GRIA3: variants seen among roughly 807,000 people sequenced by gnomAD.
GRIA3 encodes the protein glutamate receptor 3.
A neutral mutation model predicts 63.0 loss-of-function variants in GRIA3; 3 were observed. The ratio of observed to expected loss-of-function variants is 0.05; its 90% CI spans 0.02 to 0.12. GRIA3 has a LOEUF of 0.12. GRIA3 is among the 10% of genes least tolerant of loss of function. The pLI is 1.00. For missense variants in GRIA3, 347 were observed against 700.9 expected, an observed-to-expected ratio of 0.50 and a Z score of 5.70; for synonymous variants, 274 against 257.9, an observed-to-expected ratio of 1.06 and a Z score of -0.60.
intron 5 of GRIA3, among the ~76,000 whole-genome samples, chrX:123,383,481 A>G: frequency 9.0e-6 from 1 of 110,893 alleles, no homozygotes; most frequent in East Asian, 2.8e-4. Context: ...TCTACTCTCT[A>G]CTTCCGTGAG....
In GRIA3 at chrX:123,191,080, G is replaced by A. The variant is rs376718060; in HGVS notation, c.268+5090G>A. On this transcript the variant is annotated intron_variant, in intron 2 of 15. Transcript: ENST00000620443. ...TAGACGATAGAATTCCATAACTTTGGGGGAGACTAATAAACATGCTTATCC... is the reference window on the plus strand; with the variant it reads ...TAGACGATAGAATTCCATAACTTTGAGGGAGACTAATAAACATGCTTATCC... Among the ~76,000 whole-genome samples the A allele has an allele frequency of 5.4e-5, 6 of 112,120 alleles. No homozygotes were observed. The East Asian group carries it at 1.4e-3, about 26-fold the overall frequency.
chrX:123,486,263 G>A (rs2045941420), intron 15 of GRIA3, among the ~76,000 whole-genome samples: 1 of 111,362 alleles, frequency 9.0e-6, no homozygotes, highest in Non-Finnish European at 1.9e-5. Flanking sequence ...CAAAAGTGGC[G>A]GCCTGGAACA....
chrX:123,229,171 G>C (rs886182862), intron 2 of GRIA3, among the ~76,000 whole-genome samples: 1 of 111,272 alleles, frequency 9.0e-6, no homozygotes, highest in Non-Finnish European at 1.9e-5. Context: ...TAGAAAAACT[G>C]AGGCCAGCAG....
chrX:123,195,152 T>G (rs1162757694), intron 2 of GRIA3, among the ~76,000 whole-genome samples: 1 of 113,023 alleles, frequency 8.8e-6, no homozygotes, highest in African/African-American at 3.2e-5. Context: ...TCAGTTCATA[T>G]AGCAATCACT....
intron 4 of GRIA3, among the ~76,000 whole-genome samples, chrX:123,352,817 A>C (rs2045105400): frequency 9.0e-6 from 1 of 111,360 alleles, no homozygotes; most frequent in Non-Finnish European, 1.9e-5. Flanking sequence ...TGTCACCGGC[A>C]AGGATGTTTC....
intron 2 of GRIA3, among the ~76,000 whole-genome samples, chrX:123,199,543 G>A (rs2147253018): frequency 9.0e-6 from 1 of 111,128 alleles, no homozygotes; most frequent in African/African-American, 3.3e-5. Flanking sequence ...ACTAGCCCAA[G>A]GTCACACAGC....
At chrX:123,337,889 G>A in intron 4 of GRIA3, among the ~76,000 whole-genome samples, 1 of 112,038 alleles carries the variant, frequency 8.9e-6, no homozygotes, top group South Asian at 3.7e-4. Context: ...ATCAATTGTT[G>A]TTTGACAGAA....
intron 12 of GRIA3, among the ~76,000 whole-genome samples, chrX:123,447,680 T>A (rs141596506): frequency 8.9e-6 from 1 of 112,265 alleles, no homozygotes; most frequent in Non-Finnish European, 1.9e-5. Flanking sequence ...TTTGGCAGCA[T>A]TTATTTCTGT....
intron 4 of GRIA3, among the ~76,000 whole-genome samples, chrX:123,353,881 CAGTT>C (rs1365882273): frequency 8.1e-5 from 9 of 111,501 alleles, no homozygotes; most frequent in African/African-American, 2.3e-4. Context: ...TAAAAATCCT[CAGTT>C]AGCCAGAGTT....
intron 1 of GRIA3, 29 bp from the exon 2 acceptor site, chrX:123,185,803 A>G (rs1431163259): frequency 1.0e-5 from 12 of 1,199,519 alleles, no homozygotes; most frequent in Non-Finnish European, 1.4e-5. Flanking sequence ...GGGGAACACA[A>G]GCCAAATCTC....
chrX:123,191,482 C>T (rs1242956645), intron 2 of GRIA3, among the ~76,000 whole-genome samples: 2 of 111,736 alleles, frequency 1.8e-5, no homozygotes, highest in East Asian at 5.6e-4. Flanking sequence ...AAGGCAGCAG[C>T]CCCCAAAAAG....
intron 3 of GRIA3, among the ~76,000 whole-genome samples, chrX:123,263,843 T>G (rs962259563): frequency 8.9e-6 from 1 of 112,423 alleles, no homozygotes; most frequent in African/African-American, 3.2e-5. Context: ...CTTTTGCATC[T>G]TATCAACATA....
intron 3 of GRIA3, among the ~76,000 whole-genome samples, chrX:123,264,867 G>A (rs1201391580): frequency 5.4e-5 from 6 of 111,779 alleles, no homozygotes; most frequent in Non-Finnish European, 5.7e-5. Flanking sequence ...GAATAGTCCC[G>A]TTAAGGGTGT....
At chrX:123,204,624 G>A in intron 2 of GRIA3, 1 of 1,089,639 alleles carries the variant, frequency 9.2e-7, no homozygotes. Flanking sequence ...GATGGGACAG[G>A]ATCAAAGTTG....
At chrX:123,402,902 A>G in intron 7 of GRIA3, 92 bp from the exon 8 acceptor site, 1 of 525,620 alleles carries the variant, frequency 1.9e-6, no homozygotes, top group Non-Finnish European at 3.5e-6. Flanking sequence ...ATTCTTCAAG[A>G]TTCCAAGATC....
chrX:123,468,607 T>A (rs1445434395), intron 13 of GRIA3, among the ~76,000 whole-genome samples: 5 of 112,712 alleles, frequency 4.4e-5, no homozygotes, highest in Non-Finnish European at 7.5e-5. Flanking sequence ...TATAGTCAGT[T>A]TGAATTACAA....
intron 3 of GRIA3, among the ~76,000 whole-genome samples, chrX:123,286,701 A>G (rs2044622049): frequency 8.9e-6 from 1 of 111,848 alleles, no homozygotes; most frequent in Non-Finnish European, 1.9e-5. Flanking sequence ...ACACCCTTCC[A>G]AGACTAAACC....
chrX:123,208,310 C>A (rs965677148), intron 2 of GRIA3, among the ~76,000 whole-genome samples: 21 of 112,141 alleles, frequency 1.9e-4, no homozygotes, highest in Non-Finnish European at 3.9e-4. Context: ...GGTTCCAGCC[C>A]CAACTCTGTT....
chrX:123,316,917 T>C lies in GRIA3; in HGVS notation c.509-9109T>C, dbSNP rs147898753. The stretch of plus-strand genomic sequence containing the variant: ...GATACACAAATATTTAACACTGTGC[T>C]ACAGTTGCCTACTGTATTAGTTCGT... On this transcript the variant is annotated intron_variant, in intron 3 of 15. Transcript: ENST00000620443. 2.6e-3 allele frequency among the ~76,000 whole-genome samples: 289 copies of C among 111,888 alleles called. 1 individual carries two copies. Among genetic ancestry groups the C allele is most frequent in the African/African-American group, 8.6e-3 (265 of 30,780 alleles).
Sources: allele counts gnomAD v4.1 joint callset (sites outside exome capture counted in the v4.1 genomes callset), GRCh38; gene constraint gnomAD v4.1.1; transcripts MANE v1.5; gene names NCBI Gene and HGNC (gene_info 2026-07-23, HGNC 2026-07-21).